Variants in AGBL4 observed in about 807,000 individuals in gnomAD.
The protein encoded by AGBL4 is cytosolic carboxypeptidase 6.
A neutral mutation model predicts 66.4 loss-of-function variants in AGBL4; 58 were observed. The observed-to-expected ratio is 0.87, with a 90% CI of 0.71 to 1.09. AGBL4 has a LOEUF of 1.09. AGBL4 is among the 50% of genes least tolerant of loss of function. The pLI, the probability that AGBL4 is intolerant of heterozygous loss-of-function variation, is 0.00. For missense variants in AGBL4, 579 were observed against 631.0 expected (o/e 0.92, Z 0.88); for synonymous variants, 234 against 222.9 (o/e 1.05, Z -0.44).
At chr1:49,728,037 A>C (rs1649161910) in intron 2 of AGBL4, among the ~76,000 whole-genome samples, 1 of 152,146 alleles carries the variant, frequency 6.6e-6, no homozygotes, top group Non-Finnish European at 1.5e-5. Context: ...TGGAAGAATA[A>C]ATGATAAAAC....
At chr1:49,375,167 C>T (rs1386779504) in intron 3 of AGBL4, among the ~76,000 whole-genome samples, 3 of 152,016 alleles carry the variant, frequency 2.0e-5, no homozygotes, top group Non-Finnish European at 2.9e-5. Flanking sequence ...TGCTTGGGGC[C>T]TGTGAGAATA....
chr1:48,807,024 A>G (rs1465373878), intron 6 of AGBL4, among the ~76,000 whole-genome samples: 2 of 152,312 alleles, frequency 1.3e-5, no homozygotes, highest in Non-Finnish European at 2.9e-5. Flanking sequence ...TGGTTGTGTT[A>G]GTATACGTAA....
At chr1:49,410,775 C>T (rs1273322845) in intron 3 of AGBL4, among the ~76,000 whole-genome samples, 2 of 152,128 alleles carry the variant, frequency 1.3e-5, no homozygotes, top group Non-Finnish European at 2.9e-5. Flanking sequence ...TCTGTAAAAT[C>T]TCTGATACAT....
At chr1:49,507,415 T>C (rs1295250175) in intron 3 of AGBL4, among the ~76,000 whole-genome samples, 1 of 152,010 alleles carries the variant, frequency 6.6e-6, no homozygotes, top group Non-Finnish European at 1.5e-5. Flanking sequence ...GCTAATATAT[T>C]TACCAACTTA....
intron 3 of AGBL4, among the ~76,000 whole-genome samples, chr1:49,525,853 C>G (rs1650614461): frequency 6.6e-6 from 1 of 151,838 alleles, no homozygotes; most frequent in East Asian, 1.9e-4. Flanking sequence ...TTTGGGAGGC[C>G]AAGGCGGGTG....
chr1:49,391,497 C>G (rs942235215), intron 3 of AGBL4, among the ~76,000 whole-genome samples: 2 of 150,060 alleles, frequency 1.3e-5, no homozygotes, highest in African/African-American at 4.9e-5. Context: ...GTAAGAGATG[C>G]TTATGATTAA....
chr1:49,633,662 AT>A (rs921301747), intron 3 of AGBL4, among the ~76,000 whole-genome samples: 46 of 152,042 alleles, frequency 3.0e-4, no homozygotes, highest in African/African-American at 1.1e-3. Flanking sequence ...GTCTCAAAAA[AT>A]TAAATAAACA....
Position 48,632,766 on chromosome 1 carries a change from C to A in AGBL4, c.951+1727G>T, listed in dbSNP as rs538353040. 1.8e-4 allele frequency among the ~76,000 whole-genome samples: 27 copies of A among 152,312 alleles called. No individual in the cohort carries two copies. In the South Asian group the frequency reaches 5.6e-3, roughly 32 times the overall value. On this transcript the variant is annotated intron_variant, in intron 9 of 13. Transcript: ENST00000371839. ...CCAAATGAGAAAAAAAATGTAGGAG[C>A]TTGTTCTCTTTGAGAAGGAAGTATT...
intron 3 of AGBL4, among the ~76,000 whole-genome samples, chr1:49,466,298 GA>G (rs1433995186): frequency 1.3e-5 from 2 of 151,896 alleles, no homozygotes; most frequent in African/African-American, 2.4e-5. Flanking sequence ...ACAGAAAACA[GA>G]AAGTGTCTAA....
intron 6 of AGBL4, among the ~76,000 whole-genome samples, chr1:48,734,804 C>T (rs1356429426): frequency 3.3e-5 from 5 of 152,208 alleles, no homozygotes; most frequent in African/African-American, 7.2e-5. Flanking sequence ...GCTCACAGTA[C>T]CTGAAGTTAT....
intron 3 of AGBL4, among the ~76,000 whole-genome samples, chr1:49,315,314 C>T (rs568427690): frequency 1.3e-5 from 2 of 152,218 alleles, no homozygotes; most frequent in South Asian, 4.1e-4. Context: ...TAGGCAACAC[C>T]ATTCAGGACA....
At chr1:49,852,372 A>G (rs1024124705) in intron 1 of AGBL4, among the ~76,000 whole-genome samples, 8 of 152,174 alleles carry the variant, frequency 5.3e-5, no homozygotes, top group Non-Finnish European at 1.0e-4. Context: ...ACATCAAATA[A>G]GGAAATATGA....
chr1:49,405,650 G>C (rs1428947769), intron 3 of AGBL4, among the ~76,000 whole-genome samples: 27 of 152,124 alleles, frequency 1.8e-4, no homozygotes, highest in Non-Finnish European at 2.9e-5. Context: ...TCCCTTTGAT[G>C]AGGTGTACCT....
chr1:48,988,597 A>G (rs1660362897), intron 5 of AGBL4, among the ~76,000 whole-genome samples: 1 of 152,118 alleles, frequency 6.6e-6, no homozygotes, highest in South Asian at 2.1e-4. Flanking sequence ...CAAATGTTCC[A>G]CCTTTGCTAC....
intron 3 of AGBL4, among the ~76,000 whole-genome samples, chr1:49,661,959 CA>C (rs1646277333): frequency 6.6e-6 from 1 of 151,900 alleles, no homozygotes; most frequent in Non-Finnish European, 1.5e-5. Flanking sequence ...GTGCTATAAC[CA>C]TGCAATTACA....
At chr1:49,190,778 G>A (rs536802732) in intron 4 of AGBL4, among the ~76,000 whole-genome samples, 2 of 152,174 alleles carry the variant, frequency 1.3e-5, no homozygotes, top group African/African-American at 4.8e-5. Context: ...CATATTATAT[G>A]TGCTAACTTT....
chr1:48,835,719 T>C (rs560824978), intron 6 of AGBL4, among the ~76,000 whole-genome samples: 149 of 152,184 alleles, frequency 9.8e-4, no homozygotes, highest in Non-Finnish European at 1.6e-3. Context: ...GCTTTCTCTA[T>C]AGAAATGCAA....
intron 4 of AGBL4, among the ~76,000 whole-genome samples, chr1:49,111,098 CT>C (rs1645397907): frequency 6.8e-6 from 1 of 147,994 alleles, no homozygotes; most frequent in African/African-American, 2.5e-5. Context: ...TACATGTTTC[CT>C]TTCAATTCGT....
At chr1:49,330,450 A>C (rs887520661) in intron 3 of AGBL4, among the ~76,000 whole-genome samples, 1 of 152,186 alleles carries the variant, frequency 6.6e-6, no homozygotes, top group Non-Finnish European at 1.5e-5. Context: ...CTTCTGAGAG[A>C]AAAAAAGAAA....
Sources: gnomAD v4.1 joint callset for allele counts (sites outside exome capture counted in the v4.1 genomes callset) on GRCh38, gnomAD v4.1.1 for gene constraint, MANE v1.5 for transcripts, NCBI Gene and HGNC (gene_info 2026-07-23, HGNC 2026-07-21) for gene names.